Variants in NALCN observed in about 807,000 individuals in gnomAD.
The protein encoded by NALCN is sodium leak channel, non-selective.
In NALCN, 111 loss-of-function variants were observed where a neutral mutation model predicts 225.3. The ratio of observed to expected loss-of-function variants is 0.49; its 90% CI spans 0.42 to 0.58. NALCN has a LOEUF of 0.58. NALCN is among the 20% of genes least tolerant of loss of function. The pLI, the probability that NALCN is intolerant of heterozygous loss-of-function variation, is 0.00. For missense variants in NALCN, 1,378 were observed against 2,202.4 expected (o/e 0.63, Z 7.49); for synonymous variants, 764 against 769.0 (o/e 0.99, Z 0.11).
intron 37 of NALCN, among the ~76,000 whole-genome samples, chr13:101,070,986 G>A (rs1427832865): frequency 1.3e-5 from 2 of 152,076 alleles, no homozygotes; most frequent in East Asian, 1.9e-4. Context: ...CCAAGAAAAT[G>A]GGGGGAAAAA....
intron 9 of NALCN, among the ~76,000 whole-genome samples, chr13:101,290,336 A>T (rs1594613019): frequency 6.6e-6 from 1 of 152,214 alleles, no homozygotes; most frequent in Non-Finnish European, 1.5e-5. Context: ...CATGTGAGTT[A>T]AGGGCTGAGA....
intron 2 of NALCN, among the ~76,000 whole-genome samples, chr13:101,395,685 C>T (rs1480173656): frequency 2.6e-5 from 4 of 152,122 alleles, no homozygotes; most frequent in African/African-American, 9.7e-5. Flanking sequence ...ATCTGATAAC[C>T]TCCTGGGCAT....
chr13:101,176,919 C>T (rs12020054), intron 14 of NALCN, among the ~76,000 whole-genome samples: 38,423 of 152,138 alleles, frequency 0.25, 5,530 homozygotes, highest in Non-Finnish European at 0.33. Context: ...CCCTTCCACA[C>T]TGAATATGTC....
Position 101,068,779 on chromosome 13 carries a change from C to G in NALCN, c.4246G>C (p.Asp1416His). 3 of 1,612,854 alleles carry G rather than the reference C, an allele frequency of 1.9e-6. No individual in the cohort carries two copies. The highest frequency in any genetic ancestry group is 2.5e-6 in the Non-Finnish European group (3 of 1,179,516). The change falls in exon 38 of 44, where the codon GAC (aspartate) becomes CAC (histidine). Residue 1416 changes from aspartate (D) to histidine (H), a missense_variant. Transcript: ENST00000251127. Reference sequence around the variant, plus strand: ...AGTGCCCCAGCATAATTTCCACAGTCTGTTGCCCAGTATGTAAATTCATCT... The same window carrying G: ...AGTGCCCCAGCATAATTTCCACAGTGTGTTGCCCAGTATGTAAATTCATCT... ...TPDEFTYWAT[D>H]CGNYAGALMY... is the part of the protein sequence containing the mutation.
chr13:101,238,250 T>C (rs548391600), intron 11 of NALCN, among the ~76,000 whole-genome samples: 18 of 152,036 alleles, frequency 1.2e-4, no homozygotes, highest in Admixed American at 9.2e-4. Context: ...CTGAATTTTT[T>C]TGTATGTTGT....
chr13:101,263,242 A>G (rs1369459285), intron 10 of NALCN, among the ~76,000 whole-genome samples: 2 of 152,226 alleles, frequency 1.3e-5, no homozygotes, highest in Non-Finnish European at 2.9e-5. Context: ...CAAATTCCAG[A>G]GCTGCCAATC....
At position 101,229,592 on chromosome 13, in the gene NALCN, G is replaced by A; in HGVS notation, c.1435-8C>T. The A allele has an allele frequency of 6.5e-7, 1 of 1,542,816 alleles. No homozygotes were observed. The highest frequency in any genetic ancestry group is 8.7e-7 in the Non-Finnish European group (1 of 1,146,284). ...CCGAACTACTCGGAGAACCTATCAA[G>A]GGAGAGAGAAACATTTATTTACACA... On this transcript the variant is annotated splice_region_variant and splice_polypyrimidine_tract_variant and intron_variant, in intron 12 of 43. Coordinates refer to ENST00000251127, the MANE Select transcript of NALCN (RefSeq NM_052867.4).
At position 101,083,769 on chromosome 13, in the gene NALCN, C is replaced by T. The variant is rs375059513; in HGVS notation, c.3525G>A (p.Trp1175Ter). ...TALLTVDQRRWEDLKSRLKIA... is the reference protein window; with the variant it reads ...TALLTVDQRR ...TCTTCAGTCGGCTCTTCAGGTCTTC[C>T]CATCTTCTCTGATCGACGGTCAGCA... The change falls in exon 31 of 44, where the codon TGG becomes TGA. Residue 1175 changes from tryptophan to a stop codon, truncating the protein, a stop_gained. Coordinates refer to ENST00000251127, the MANE Select transcript of NALCN (RefSeq NM_052867.4). LOFTEE classifies it high-confidence loss of function. 1.2e-6 allele frequency: 2 copies of T among 1,613,948 alleles called. No individual in the cohort carries two copies. Among genetic ancestry groups the T allele is most frequent in the Non-Finnish European group, 1.7e-6 (2 of 1,179,896 alleles).
At chr13:101,088,181 A>G (rs1431553673) in intron 30 of NALCN, among the ~76,000 whole-genome samples, 2 of 152,118 alleles carry the variant, frequency 1.3e-5, no homozygotes, top group African/African-American at 4.8e-5. Context: ...GGCCCAAAAG[A>G]GGAATTTTTA....
intron 39 of NALCN, 108 bp downstream of exon 39, chr13:101,067,810 T>A: frequency 1.3e-6 from 1 of 781,572 alleles, no homozygotes; most frequent in Non-Finnish European, 2.2e-6. Flanking sequence ...ATTCACCATT[T>A]AAAAATTCAA....
rs1359102386 is a variant in NALCN, at chr13:101,059,932, C to G, written c.4791G>C (p.Leu1597=). The change falls in exon 42 of 44, where the codon CTG becomes CTC. Residue 1597 remains leucine, a synonymous_variant. Coordinates refer to ENST00000251127, the MANE Select transcript of NALCN (RefSeq NM_052867.4). ...QQQSCSIIHS[L]RESQQQELSR... ...TCAGCTCTTGCTGCTGACTCTCTCT[C>G]AGGCTGTGGATGATACTGCACGACT... 1.2e-6 allele frequency: 2 copies of G among 1,614,078 alleles called. No homozygotes were observed. Among genetic ancestry groups the G allele is most frequent in the Admixed American group, 1.7e-5 (1 of 60,016 alleles).
intron 7 of NALCN, among the ~76,000 whole-genome samples, chr13:101,309,903 C>T (rs1594649853): frequency 6.6e-6 from 1 of 152,164 alleles, no homozygotes; most frequent in East Asian, 1.9e-4. Flanking sequence ...TGTAATGAAA[C>T]CGAGATCCTC....
At chr13:101,151,876 A>G (rs9554756) in intron 15 of NALCN, among the ~76,000 whole-genome samples, 91,443 of 152,008 alleles carry the variant, frequency 0.6, 27,893 homozygotes, top group Non-Finnish European at 0.65. Flanking sequence ...ATGCAAATAC[A>G]AAGAATATCC....
chr13:101,104,884 T>C lies in NALCN; in HGVS notation c.2636+10A>G. On this transcript the variant is annotated intron_variant, in intron 23 of 43. Coordinates refer to ENST00000251127, the MANE Select transcript of NALCN (RefSeq NM_052867.4). The surrounding 1 kb of genome is among the most constrained non-coding windows in gnomAD (Gnocchi z 4.2). ...AAATGTGCATGGAAAATGAAGTTGG[T>C]GATGCTTACTAAAGTTGATGGTACT... is the stretch of plus-strand genomic sequence containing the variant. 6.2e-7 allele frequency: 1 copy of C among 1,613,612 alleles called. No individual in the cohort carries two copies. Among genetic ancestry groups the C allele is most frequent in the Non-Finnish European group, 8.5e-7 (1 of 1,179,652 alleles).
intron 10 of NALCN, among the ~76,000 whole-genome samples, chr13:101,279,856 T>TAAATAAAG (rs1555328540): frequency 6.7e-5 from 10 of 148,510 alleles, no homozygotes; most frequent in Admixed American, 5.4e-4. Flanking sequence ...AATAAATAAA[T>TAAATAAAG]AAATAAATAA....
At chr13:101,218,755 T>C (rs34943189) in intron 13 of NALCN, among the ~76,000 whole-genome samples, 39,200 of 151,928 alleles carry the variant, frequency 0.26, 5,375 homozygotes, top group East Asian at 0.37. Context: ...AAGACTTGCC[T>C]GCTTCCCCTT....
At chr13:101,123,619 G>T (rs2036086335) in intron 18 of NALCN, among the ~76,000 whole-genome samples, 1 of 152,122 alleles carries the variant, frequency 6.6e-6, no homozygotes. Context: ...TCCTATGACA[G>T]CTACTCCAAC....
chr13:101,192,307 G>T (rs2039713933), intron 13 of NALCN, among the ~76,000 whole-genome samples: 1 of 152,186 alleles, frequency 6.6e-6, no homozygotes, highest in South Asian at 2.1e-4. Flanking sequence ...AGTAAATGCT[G>T]TTGAGCAAAT....
Position 101,147,354 on chromosome 13 carries a change from CTTTTT to C in NALCN, c.1840-2463_1840-2459del, listed in dbSNP as rs34988610. On this transcript the variant is annotated intron_variant, in intron 15 of 43. Transcript: ENST00000251127. ...ACTGCCTTTTTCTTCCTCTCTCTCTCTTTTTTTTTTTTTTTTTTGAGATGGAGTCT... is the reference window on the plus strand; with the variant it reads ...ACTGCCTTTTTCTTCCTCTCTCTCTCTTTTTTTTTTTTTGAGATGGAGTCT... Among the ~76,000 whole-genome samples, 212 of 125,080 alleles carry C rather than the reference CTTTTT, an allele frequency of 1.7e-3. 1 individual carries two copies. The highest frequency in any genetic ancestry group is 6.0e-3 in the African/African-American group (202 of 33,392). The allele number at this position is 125,080 out of a possible 152,430, so 82.1% of individuals were successfully genotyped here.
Sources: allele counts gnomAD v4.1 joint callset (sites outside exome capture counted in the v4.1 genomes callset), GRCh38; gene constraint gnomAD v4.1.1; non-coding constraint Gnocchi (gnomAD v3.1); transcripts MANE v1.5; gene names NCBI Gene and HGNC (gene_info 2026-07-23, HGNC 2026-07-21).